The following SLC22A2 variants were observed in gnomAD, a reference collection of about 807,000 sequenced individuals.
SLC22A2 encodes the protein solute carrier family 22 member 2, also known as organic cation transporter 2.
A neutral mutation model predicts 60.5 loss-of-function variants in SLC22A2; 46 were observed. The ratio of observed to expected loss-of-function variants is 0.76; its 90% CI spans 0.60 to 0.97. SLC22A2 has a LOEUF of 0.97. Among genes scored for constraint, SLC22A2 ranks in the 50% least tolerant of loss-of-function variants. The pLI is 0.00. For missense variants in SLC22A2, 701 were observed against 706.6 expected (o/e 0.99, Z 0.09); for synonymous variants, 303 against 267.0 (o/e 1.13, Z -1.31).
intron 10 of SLC22A2, 28 bp from the exon 11 acceptor site, chr6:160,217,526 G>A (rs1782560850): frequency 7.6e-7 from 1 of 1,316,084 alleles, no homozygotes; most frequent in African/African-American, 1.5e-5. Flanking sequence ...AATGGAGAGG[G>A]GAGAAAGAAA....
chr6:160,242,233 G>A (rs1383800599), intron 8 of SLC22A2, 61 bp downstream of exon 8: 2 of 902,172 alleles, frequency 2.2e-6, no homozygotes, highest in East Asian at 4.8e-5. Context: ...CACTTGTGGT[G>A]GTTCCAGCCA....
rs1171399491 is a variant in SLC22A2 at position 160,243,696 on chromosome 6, C to G, written c.1155G>C (p.Leu385=). 2 of 1,614,004 alleles carry G rather than the reference C, an allele frequency of 1.2e-6. No homozygotes were observed. Among genetic ancestry groups the G allele is most frequent in the Non-Finnish European group, 1.7e-6 (2 of 1,179,950 alleles). The change falls in exon 7 of 11, where the codon CTG becomes CTC. Residue 385 remains leucine, a synonymous_variant. Coordinates refer to ENST00000366953, the MANE Select transcript of SLC22A2 (RefSeq NM_003058.4). ...NIYLDFFYSA[L]VEFPAAFMII... Reference sequence around the variant, plus strand: ...TCATGAAGGCAGCTGGGAATTCAACCAGGGCAGAGTAGAAGAAATCCAGGT... The same window carrying G: ...TCATGAAGGCAGCTGGGAATTCAACGAGGGCAGAGTAGAAGAAATCCAGGT...
chr6:160,234,206 C>G (rs375778135), intron 9 of SLC22A2, among the ~76,000 whole-genome samples: 1 of 152,182 alleles, frequency 6.6e-6, no homozygotes, highest in African/African-American at 2.4e-5. Context: ...CGGCCCCACC[C>G]TATCTCCTTT....
intron 5 of SLC22A2, 95 bp from the exon 6 acceptor site, chr6:160,245,640 G>A (rs935786429): frequency 8.0e-5 from 48 of 600,418 alleles, no homozygotes; most frequent in South Asian, 3.7e-4. Flanking sequence ...CGTCCTGAGC[G>A]CCCATCTCAT....
intron 9 of SLC22A2, among the ~76,000 whole-genome samples, chr6:160,227,476 T>C (rs915785636): frequency 2.6e-5 from 4 of 152,234 alleles, no homozygotes; most frequent in Admixed American, 6.5e-5. Context: ...TATTGATGGA[T>C]GGCTTTTGTC....
intron 5 of SLC22A2, 29 bp downstream of exon 5, chr6:160,247,155 C>T: frequency 1.0e-6 from 1 of 990,330 alleles, no homozygotes; most frequent in Non-Finnish European, 1.5e-6. Context: ...TCTCCATCCC[C>T]TGATTTGATA....
intron 10 of SLC22A2, among the ~76,000 whole-genome samples, chr6:160,221,378 A>G (rs1782642157): frequency 1.3e-5 from 2 of 152,184 alleles, no homozygotes; most frequent in African/African-American, 4.8e-5. Flanking sequence ...GAATGTTGTG[A>G]CCGGTTTGAT....
chr6:160,218,324 A>ACAATAGAAATAGCAGCAATAGAAG (rs1349568338), intron 10 of SLC22A2: 24 of 201,728 alleles, frequency 1.2e-4, no homozygotes, highest in Non-Finnish European at 2.0e-4. Flanking sequence ...AGAAACAACA[A>ACAATAGAAATAGCAGCAATAGAAG]CAGTAGAAAT....
chr6:160,237,075 T>C (rs1782922546), intron 9 of SLC22A2, among the ~76,000 whole-genome samples: 1 of 152,212 alleles, frequency 6.6e-6, no homozygotes, highest in Admixed American at 6.5e-5. Flanking sequence ...AACAATGGTA[T>C]ACCTGTTATT....
intron 3 of SLC22A2, among the ~76,000 whole-genome samples, chr6:160,250,095 T>C (rs1207641522): frequency 6.6e-6 from 1 of 152,236 alleles, no homozygotes; most frequent in Non-Finnish European, 1.5e-5. Flanking sequence ...CTGAGTAACC[T>C]AGGTTGACTA....
intron 5 of SLC22A2, among the ~76,000 whole-genome samples, chr6:160,246,204 T>C (rs965746093): frequency 5.3e-5 from 8 of 151,916 alleles, no homozygotes; most frequent in Non-Finnish European, 1.2e-4. Flanking sequence ...TTTTGCCACG[T>C]TGGCCAGGCT....
rs563628732 is a variant in SLC22A2 at position 160,229,249 on chromosome 6, C to A, written c.1502-4445G>T. On this transcript the variant is annotated intron_variant, in intron 9 of 10. Coordinates refer to ENST00000366953, the MANE Select transcript of SLC22A2 (RefSeq NM_003058.4). ...TCCAACCTCTCTCACTATCCCTCAA[C>A]CTCTTTCTTCTTTCAATCTTGGCAC... Among the ~76,000 whole-genome samples, 251 of 152,014 alleles carry A rather than the reference C, an allele frequency of 1.7e-3. 2 individuals are homozygous for A. The highest frequency in any genetic ancestry group is 5.8e-3 in the African/African-American group (240 of 41,292).
chr6:160,222,696 G>T (rs895343872), intron 10 of SLC22A2, among the ~76,000 whole-genome samples: 5 of 152,196 alleles, frequency 3.3e-5, no homozygotes, highest in African/African-American at 1.2e-4. Flanking sequence ...ATGTCTGCAT[G>T]CACCAAGCAG....
intron 9 of SLC22A2, among the ~76,000 whole-genome samples, chr6:160,225,374 A>C (rs1356587263): frequency 2.0e-5 from 3 of 152,210 alleles, no homozygotes; most frequent in Admixed American, 1.3e-4. Flanking sequence ...GATTCTGATA[A>C]AAGTTTTGAT....
Position 160,250,706 on chromosome 6 carries a change from C to T in SLC22A2, c.519-4G>A. The T allele has an allele frequency of 1.2e-6, 2 of 1,612,140 alleles. No homozygotes were observed. The highest frequency in any genetic ancestry group is 1.7e-6 in the Non-Finnish European group (2 of 1,178,960). ...GAGGCAGAGCTTACGGCCAAACCTG[C>T]AGGAAGAAAAACAAAGAGAGGGAAT... is the stretch of plus-strand genomic sequence containing the variant. On this transcript the variant is annotated splice_region_variant and splice_polypyrimidine_tract_variant and intron_variant, in intron 2 of 10. Coordinates refer to ENST00000366953, the MANE Select transcript of SLC22A2 (RefSeq NM_003058.4).
chr6:160,245,694 ATTTTT>A (rs11422120), intron 5 of SLC22A2, 149 bp from the exon 6 acceptor site: 44 of 163,356 alleles, frequency 2.7e-4, no homozygotes, highest in South Asian at 7.0e-4. Flanking sequence ...GTCCCATTTC[ATTTTT>A]TTTTTTTTTT....
chr6:160,226,957 C>CAATTGCTA (rs1782734648), intron 9 of SLC22A2, among the ~76,000 whole-genome samples: 1 of 152,114 alleles, frequency 6.6e-6, no homozygotes, highest in South Asian at 2.1e-4. Context: ...ACACAACAGA[C>CAATTGCTA]TCTTTGTAGC....
intron 8 of SLC22A2, 82 bp from the exon 9 acceptor site, chr6:160,241,668 C>T: frequency 1.2e-6 from 1 of 849,334 alleles, no homozygotes; most frequent in Non-Finnish European, 2.0e-6. Context: ...ATAAACACTT[C>T]CTCAAATAAT....
chr6:160,217,578 GA>G (rs1393697232), intron 10 of SLC22A2, 80 bp from the exon 11 acceptor site: 2 of 729,708 alleles, frequency 2.7e-6, no homozygotes, highest in Non-Finnish European at 2.4e-6. Flanking sequence ...GGTAATAAAT[GA>G]GAGGAACAAC....
Sources: allele counts gnomAD v4.1 joint callset (sites outside exome capture counted in the v4.1 genomes callset), GRCh38; gene constraint gnomAD v4.1.1; transcripts MANE v1.5; gene names NCBI Gene and HGNC (gene_info 2026-07-23, HGNC 2026-07-21).